RIMS2: variants seen among roughly 807,000 people sequenced by gnomAD.
RIMS2 encodes regulating synaptic membrane exocytosis 2.
A neutral mutation model predicts 174.4 loss-of-function variants in RIMS2; 59 were observed. The ratio of observed to expected loss-of-function variants is 0.34; its 90% CI spans 0.27 to 0.42. The LOEUF (loss-of-function observed/expected upper bound fraction) is 0.42, where lower values mean the gene tolerates loss of function less well. RIMS2 is among the 10% of genes least tolerant of loss of function. The pLI is 1.00. For missense variants in RIMS2, 1,620 were observed against 1,666.3 expected, an observed-to-expected ratio of 0.97 and a Z score of 0.48; for synonymous variants, 606 against 572.5, an observed-to-expected ratio of 1.06 and a Z score of -0.84.
At chr8:103,680,229 A>C (rs2096862721) in intron 1 of RIMS2, among the ~76,000 whole-genome samples, 1 of 152,120 alleles carries the variant, frequency 6.6e-6, no homozygotes, top group South Asian at 2.1e-4. Context: ...AGACCTATGT[A>C]TATATGGGAA....
At chr8:104,174,321 A>T (rs1586570943) in intron 19 of RIMS2, among the ~76,000 whole-genome samples, 1 of 152,316 alleles carries the variant, frequency 6.6e-6, no homozygotes, top group African/African-American at 2.4e-5. Context: ...TCAGGCTCTT[A>T]GACTAGTTAA....
At chr8:103,934,731 CT>C (rs2080842948) in intron 12 of RIMS2, among the ~76,000 whole-genome samples, 1 of 143,772 alleles carries the variant, frequency 7.0e-6, no homozygotes, top group South Asian at 2.2e-4. Context: ...GAGTTTCACT[CT>C]TTTTGCCCAG....
At chr8:103,620,870 T>C (rs1196416796) in intron 1 of RIMS2, among the ~76,000 whole-genome samples, 2 of 152,218 alleles carry the variant, frequency 1.3e-5, no homozygotes, top group Non-Finnish European at 2.9e-5. Flanking sequence ...TCCTTTTAAG[T>C]ATTTACTGTG....
intron 3 of RIMS2, among the ~76,000 whole-genome samples, chr8:103,790,898 C>T (rs1294587584): frequency 6.6e-6 from 1 of 152,126 alleles, no homozygotes; most frequent in Non-Finnish European, 1.5e-5. Context: ...ATGAGCAAAG[C>T]CTCCAAGAAG....
At chr8:103,651,202 T>C (rs945317668) in intron 1 of RIMS2, among the ~76,000 whole-genome samples, 2 of 152,240 alleles carry the variant, frequency 1.3e-5, no homozygotes, top group African/African-American at 4.8e-5. Flanking sequence ...CACTGACAGC[T>C]TCCCTTTGCT....
At chr8:103,539,496 G>A (rs1841517833) in intron 1 of RIMS2, among the ~76,000 whole-genome samples, 1 of 152,128 alleles carries the variant, frequency 6.6e-6, no homozygotes, top group Non-Finnish European at 1.5e-5. Flanking sequence ...AATAATCACT[G>A]GTGAATTGGC....
intron 19 of RIMS2, among the ~76,000 whole-genome samples, chr8:104,035,869 T>G (rs2096503266): frequency 6.6e-6 from 1 of 152,086 alleles, no homozygotes; most frequent in Non-Finnish European, 1.5e-5. Flanking sequence ...AAAAAATTTA[T>G]GTAAGACAAA....
chr8:103,634,506 G>T (rs1478035129), intron 1 of RIMS2, among the ~76,000 whole-genome samples: 1 of 152,172 alleles, frequency 6.6e-6, no homozygotes, highest in Non-Finnish European at 1.5e-5. Flanking sequence ...TTGTTTTTGA[G>T]TGAAAACTTC....
At chr8:103,547,901 G>T (rs150722786) in intron 1 of RIMS2, among the ~76,000 whole-genome samples, 3 of 152,046 alleles carry the variant, frequency 2.0e-5, no homozygotes, top group Non-Finnish European at 4.4e-5. Flanking sequence ...ACACAAACTA[G>T]AAAACTTAGA....
intron 2 of RIMS2, among the ~76,000 whole-genome samples, chr8:103,702,949 T>A (rs2097183466): frequency 6.6e-6 from 1 of 151,188 alleles, no homozygotes; most frequent in African/African-American, 2.4e-5. Context: ...TTTTTTCTGT[T>A]TCGTGAGGAA....
intron 19 of RIMS2, among the ~76,000 whole-genome samples, chr8:104,068,842 A>G (rs1233540362): frequency 1.3e-5 from 2 of 152,184 alleles, no homozygotes; most frequent in African/African-American, 4.8e-5. Flanking sequence ...TGAAGGACAA[A>G]TCTTTTACAG....
At chr8:103,998,185 T>A (rs1317312973) in intron 17 of RIMS2, 1 of 1,601,220 alleles carries the variant, frequency 6.2e-7, no homozygotes. Context: ...ATGCTTGCAG[T>A]CATTTTCTTA....
intron 3 of RIMS2, among the ~76,000 whole-genome samples, chr8:103,780,191 T>G (rs1243603657): frequency 1.3e-5 from 2 of 152,156 alleles, no homozygotes; most frequent in East Asian, 3.8e-4. Flanking sequence ...TCCTTTACCT[T>G]TGAGGATTTG....
intron 1 of RIMS2, among the ~76,000 whole-genome samples, chr8:103,688,689 T>C (rs2096972991): frequency 5.9e-5 from 9 of 152,140 alleles, no homozygotes; most frequent in Admixed American, 5.9e-4. Context: ...TGGTATTAGT[T>C]CATAGTAGTG....
intron 1 of RIMS2, among the ~76,000 whole-genome samples, chr8:103,582,056 G>A (rs570465630): frequency 2.0e-4 from 30 of 152,330 alleles, no homozygotes; most frequent in Non-Finnish European, 3.7e-4. Flanking sequence ...AGAGGGAAGA[G>A]TGGGGAGGAC....
At chr8:104,064,315 T>C (rs1566126271) in intron 19 of RIMS2, among the ~76,000 whole-genome samples, 2 of 152,154 alleles carry the variant, frequency 1.3e-5, no homozygotes, top group Non-Finnish European at 2.9e-5. Flanking sequence ...ATTGGATTTT[T>C]TTTCGTCAGT....
chr8:103,765,761 C>G (rs1424193210), intron 2 of RIMS2, among the ~76,000 whole-genome samples: 1 of 151,972 alleles, frequency 6.6e-6, no homozygotes, highest in Non-Finnish European at 1.5e-5. Context: ...TAATATTCAG[C>G]CTCAAATTAC....
chr8:103,998,762 G>A (rs1246473396), intron 17 of RIMS2, among the ~76,000 whole-genome samples: 1 of 151,742 alleles, frequency 6.6e-6, no homozygotes, highest in Non-Finnish European at 1.5e-5. Context: ...ATCCTTATCT[G>A]CAGAGAATAC....
At chr8:104,186,909 T>C (rs189243006) in intron 19 of RIMS2, among the ~76,000 whole-genome samples, 68 of 151,808 alleles carry the variant, frequency 4.5e-4, no homozygotes, top group African/African-American at 1.5e-3. Flanking sequence ...CTAGATTTCC[T>C]AAAGTGCAGG....
Sources: allele counts gnomAD v4.1 joint callset (sites outside exome capture counted in the v4.1 genomes callset), GRCh38; gene constraint gnomAD v4.1.1; transcripts MANE v1.5; gene names NCBI Gene and HGNC (gene_info 2026-07-23, HGNC 2026-07-21).